The following ANKAR variants were observed in gnomAD, a reference collection of about 807,000 sequenced individuals.
ANKAR encodes ankyrin and armadillo repeat-containing protein.
In ANKAR, 136 loss-of-function variants were observed where a neutral mutation model predicts 146.2. That is an observed-to-expected ratio of 0.93 (90% CI 0.81 to 1.07). ANKAR has a LOEUF of 1.07. Among genes scored for constraint, ANKAR ranks in the 50% least tolerant of loss-of-function variants. The pLI, the probability that ANKAR is intolerant of heterozygous loss-of-function variation, is 0.00. For synonymous variants in ANKAR, 500 were observed against 575.8 expected, an observed-to-expected ratio of 0.87 and a Z score of 1.88; for missense variants, 1,567 against 1,679.9, an observed-to-expected ratio of 0.93 and a Z score of 1.18.
At chr2:189,692,982 C>T in intron 4 of ANKAR, 92 bp from the exon 5 acceptor site, 1 of 619,768 alleles carries the variant, frequency 1.6e-6, no homozygotes. Context: ...TAAAATTTGT[C>T]ATTTACATGT....
At chr2:189,754,919 A>C (rs2045874099) in intron 18 of ANKAR, 1 of 460,836 alleles carries the variant, frequency 2.2e-6, no homozygotes, top group South Asian at 3.2e-5. Flanking sequence ...ATTTGGCAAA[A>C]TACATAACTG....
chr2:189,725,348 T>C (rs2041766577), intron 12 of ANKAR, among the ~76,000 whole-genome samples: 1 of 151,640 alleles, frequency 6.6e-6, no homozygotes, highest in East Asian at 1.9e-4. Context: ...GATATTCCAG[T>C]AGCAATGAGC....
downstream of ANKAR, chr2:189,761,290 G>A (rs559436638): frequency 2.2e-6 from 2 of 910,146 alleles, no homozygotes; most frequent in African/African-American, 1.7e-5. Context: ...GTTTTCTATA[G>A]CAGTTATTAA....
downstream of ANKAR, among the ~76,000 whole-genome samples, chr2:189,751,486 C>T (rs1242143524): frequency 4.0e-5 from 6 of 148,834 alleles, no homozygotes; most frequent in Middle Eastern, 7.0e-3. Flanking sequence ...ACTCTGTCAC[C>T]CGGGCTGGAG....
intron 7 of ANKAR, among the ~76,000 whole-genome samples, chr2:189,700,145 A>G (rs950109223): frequency 6.6e-6 from 1 of 151,868 alleles, no homozygotes; most frequent in African/African-American, 2.4e-5. Flanking sequence ...CATGCCTTGC[A>G]GGGCAGGTCT....
At chr2:189,734,143 T>A (rs1191166176) in intron 17 of ANKAR, among the ~76,000 whole-genome samples, 1 of 152,236 alleles carries the variant, frequency 6.6e-6, no homozygotes, top group Non-Finnish European at 1.5e-5. Flanking sequence ...AACGTTGATG[T>A]ATTTTACTGG....
rs1246823636 is a variant in ANKAR at position 189,746,414 on chromosome 2, T to TCAA, written c.4094_4096dup (p.Gln1365dup). 6.2e-7 allele frequency: 1 copy of TCAA among 1,606,764 alleles called. No individual in the cohort carries two copies. Among genetic ancestry groups the TCAA allele is most frequent in the Non-Finnish European group, 8.5e-7 (1 of 1,178,188 alleles). On this transcript the variant is annotated inframe_insertion, in exon 23 of 23. Transcript: ENST00000684021. ...ACCGAAGAAAATTAAAACCTAAAAT[T>TCAA]CAACCAAAAGATTCTTTGACTTTAT...
intron 9 of ANKAR, among the ~76,000 whole-genome samples, chr2:189,708,983 T>C (rs1468889258): frequency 6.6e-6 from 1 of 152,146 alleles, no homozygotes; most frequent in Non-Finnish European, 1.5e-5. Flanking sequence ...GTGCCTGTAG[T>C]CCTAGCTCCT....
chr2:189,716,524 T>A (rs2040480810), intron 10 of ANKAR, among the ~76,000 whole-genome samples: 1 of 152,052 alleles, frequency 6.6e-6, no homozygotes, highest in Non-Finnish European at 1.5e-5. Flanking sequence ...CCAAGGTAAT[T>A]TATAGATTCA....
chr2:189,701,837 G>GT (rs1401318226), intron 7 of ANKAR, among the ~76,000 whole-genome samples: 1 of 152,120 alleles, frequency 6.6e-6, no homozygotes, highest in African/African-American at 2.4e-5. Context: ...TTTAAACTGT[G>GT]TTTTTTGCTT....
chr2:189,676,074 C>CA (rs1362377495), intron 1 of ANKAR: 3 of 166,502 alleles, frequency 1.8e-5, no homozygotes, highest in Admixed American at 5.9e-5. Context: ...ATAAATTATG[C>CA]AGTCTCAGGT....
chr2:189,732,801 A>G (rs1216301280), intron 16 of ANKAR, among the ~76,000 whole-genome samples: 1 of 152,116 alleles, frequency 6.6e-6, no homozygotes, highest in Non-Finnish European at 1.5e-5. Context: ...AAGGGATACA[A>G]CTATGTACTT....
chr2:189,690,000 G>A (rs758889738), intron 3 of ANKAR, 36 bp downstream of exon 3: 3 of 1,352,830 alleles, frequency 2.2e-6, no homozygotes, highest in Non-Finnish European at 2.9e-6. Flanking sequence ...ATAAAATATA[G>A]GTATATATTA....
At chr2:189,755,551 C>G in intron 18 of ANKAR, 2 of 1,584,194 alleles carry the variant, frequency 1.3e-6, no homozygotes, top group African/African-American at 2.7e-5. Context: ...GAGGAACAAT[C>G]CCACCTGTTC....
chr2:189,761,846 A>G (rs2047108043), downstream of ANKAR, among the ~76,000 whole-genome samples: 1 of 152,092 alleles, frequency 6.6e-6, no homozygotes, highest in African/African-American at 2.4e-5. Flanking sequence ...GGGGGAAAAC[A>G]GGGGTCAGAT....
chr2:189,679,850 C>T (rs114486067), intron 2 of ANKAR, among the ~76,000 whole-genome samples: 33 of 152,082 alleles, frequency 2.2e-4, no homozygotes, highest in South Asian at 1.2e-3. Flanking sequence ...TGTCAGATTC[C>T]GTTAGTATTT....
rs747913790 is a variant in ANKAR at position 189,692,427 on chromosome 2, G to A, written c.1203+9G>A. On this transcript the variant is annotated intron_variant, in intron 4 of 22. Transcript: ENST00000684021. ...CCTTGGAAGATTTTCAGGTTTAAAT[G>A]ATCATTCCTTAGACAATTTATCATT... The A allele has an allele frequency of 1.2e-6, 2 of 1,600,324 alleles. No individual in the cohort carries two copies. The highest frequency in any genetic ancestry group is 2.7e-5 in the African/African-American group (2 of 73,984).
intron 22 of ANKAR, 124 bp downstream of exon 22, chr2:189,744,912 C>G: frequency 1.5e-6 from 1 of 668,390 alleles, no homozygotes; most frequent in Non-Finnish European, 2.5e-6. Context: ...AATCCCAGCA[C>G]TTTGGGAGGC....
chr2:189,730,253 C>CT (rs1227264789), intron 15 of ANKAR, among the ~76,000 whole-genome samples: 1 of 152,098 alleles, frequency 6.6e-6, no homozygotes, highest in African/African-American at 2.4e-5. Context: ...TTCTAATTTC[C>CT]TTTGCTTTGT....
Sources: allele counts gnomAD v4.1 joint callset (sites outside exome capture counted in the v4.1 genomes callset), GRCh38; gene constraint gnomAD v4.1.1; transcripts MANE v1.5; gene names NCBI Gene and HGNC (gene_info 2026-07-23, HGNC 2026-07-21).